ANKRD11: variants seen among roughly 807,000 people sequenced by gnomAD.
ANKRD11 encodes ankyrin repeat domain-containing protein 11.
A neutral mutation model predicts 195.7 loss-of-function variants in ANKRD11; 17 were observed. The ratio of observed to expected loss-of-function variants is 0.09; its 90% CI spans 0.06 to 0.13. The LOEUF is 0.13. Ranked by LOEUF, ANKRD11 falls within the 10% of genes least tolerant of loss-of-function variation. ANKRD11 has a pLI of 1.00. For synonymous variants in ANKRD11, 1,953 were observed against 1,528.1 expected (o/e 1.28, Z -6.49); for missense variants, 3,735 against 3,566.1 (o/e 1.05, Z -1.21).
At position 89,288,636 on chromosome 16, in the gene ANKRD11, G is replaced by A. The variant is rs774835191; in HGVS notation, c.636C>T (p.Gly212=). 2.5e-6 allele frequency: 4 copies of A among 1,614,118 alleles called. No homozygotes were observed. The highest frequency in any genetic ancestry group is 1.7e-5 in the Admixed American group (1 of 60,030). The change falls in exon 7 of 13, where the codon GGC becomes GGT. Residue 212 remains glycine, a synonymous_variant. Transcript: ENST00000301030. The part of the protein sequence containing the change: ...WTALHEACNR[G]YYDVAKQLLA... ...GCAGCTGCTTCGCGACGTCGTAGTA[G>A]CCCCGGTTACAGGCCTCGTGCAGCG... is the stretch of plus-strand genomic sequence containing the variant.
At chr16:89,278,323 G>A (rs879622867) in intron 9 of ANKRD11, 1 of 354,306 alleles carries the variant, frequency 2.8e-6, no homozygotes, top group Non-Finnish European at 5.6e-6. Flanking sequence ...GGAGGAGGTG[G>A]GAACCCAGTC....
chr16:89,403,041 C>A (rs969759855), intron 2 of ANKRD11, among the ~76,000 whole-genome samples: 1 of 152,302 alleles, frequency 6.6e-6, no homozygotes. Flanking sequence ...ATGGGCACTG[C>A]CTCGCTCAAC....
Position 89,284,212 on chromosome 16 carries a change from T to C in ANKRD11, c.2330A>G (p.Glu777Gly), listed in dbSNP as rs1294887176. The C allele has an allele frequency of 3.1e-6, 5 of 1,612,294 alleles. No individual in the cohort carries two copies. Among genetic ancestry groups the C allele is most frequent in the Admixed American group, 1.7e-5 (1 of 59,790 alleles). ...GTCCTCTTTTAAATCATTCTTCTTC[T>C]CTAATTTTGAGGGCCGGTCTTTTGA... ...KKSKDRPSKL[E>G]KKNDLKEDKI... Residue 777 changes from glutamate to glycine, a missense_variant, in exon 9 of 13, where the codon GAG becomes GGG. Physicochemically the swap from Glu to Gly is moderately conservative, Grantham distance 98. Coordinates refer to ENST00000301030, the MANE Select transcript of ANKRD11 (RefSeq NM_013275.6).
At chr16:89,276,576 G>A (rs897181961) in intron 9 of ANKRD11, among the ~76,000 whole-genome samples, 1 of 152,142 alleles carries the variant, frequency 6.6e-6, no homozygotes, top group African/African-American at 2.4e-5. Flanking sequence ...ACTGCTGACC[G>A]ACACTGCCCA....
At chr16:89,352,379 C>T (rs1018255437) in intron 2 of ANKRD11, among the ~76,000 whole-genome samples, 1 of 151,498 alleles carries the variant, frequency 6.6e-6, no homozygotes, top group African/African-American at 2.4e-5. Context: ...AGGCAGCCCC[C>T]CAAGAAAACC....
chr16:89,439,434 A>T (rs1386165976), intron 1 of ANKRD11, among the ~76,000 whole-genome samples: 1 of 152,248 alleles, frequency 6.6e-6, no homozygotes, highest in Non-Finnish European at 1.5e-5. Context: ...TCGAACCATC[A>T]TTAAGTCAGG....
chr16:89,280,102 T>C lies in ANKRD11; in HGVS notation c.6440A>G (p.Asp2147Gly), dbSNP rs776735394. The C allele has an allele frequency of 1.2e-6, 2 of 1,613,038 alleles. No homozygotes were observed. Among genetic ancestry groups the C allele is most frequent in the Admixed American group, 3.3e-5 (2 of 60,014 alleles). ...SLPELPLQTK[D>G]AADGEAEPVE... ...GGGTTCCGCTTCACCATCTGCGGCA[T>C]CTTTAGTCTGCAGGGGAAGCTCCGG... The change falls in exon 9 of 13, where the codon GAT becomes GGT. Residue 2147 changes from aspartate to glycine, a missense_variant. By Grantham distance (94) the Asp-to-Gly change is moderately conservative. Coordinates refer to ENST00000301030, the MANE Select transcript of ANKRD11 (RefSeq NM_013275.6).
In ANKRD11 at chr16:89,361,868, A is replaced by C. The variant is rs140828264; in HGVS notation, c.-59-44790T>G. On this transcript the variant is annotated intron_variant, in intron 2 of 12. Coordinates refer to ENST00000301030, the MANE Select transcript of ANKRD11 (RefSeq NM_013275.6). ...ACAAAAAAAATCCGCACTCTAGATA[A>C]GACCTTCAAAACAGCATGCCTGTCA... is the stretch of plus-strand genomic sequence containing the variant. Among the ~76,000 whole-genome samples the C allele has an allele frequency of 1.6e-3, 243 of 152,354 alleles. 1 individual carries two copies. The highest frequency in any genetic ancestry group is 5.3e-3 in the African/African-American group (220 of 41,574).
chr16:89,286,938 G>A (rs967681270), intron 7 of ANKRD11: 12 of 1,289,668 alleles, frequency 9.3e-6, no homozygotes, highest in South Asian at 3.7e-5. Context: ...GACTCTTGTC[G>A]CCCACAGAAT....
At chr16:89,325,992 C>T (rs974584556) in intron 2 of ANKRD11, among the ~76,000 whole-genome samples, 2 of 152,248 alleles carry the variant, frequency 1.3e-5, no homozygotes, top group African/African-American at 4.8e-5. Flanking sequence ...AGGGCACCCA[C>T]TGCAGAGTGC....
chr16:89,416,505 G>T (rs914702286), intron 2 of ANKRD11, among the ~76,000 whole-genome samples: 1 of 152,120 alleles, frequency 6.6e-6, no homozygotes, highest in Non-Finnish European at 1.5e-5. Flanking sequence ...CACCATGTTG[G>T]CAGGCTGGTC....
Position 89,329,254 on chromosome 16 carries a change from G to A in ANKRD11, c.-59-12176C>T, listed in dbSNP as rs183812105. 1.1e-4 allele frequency among the ~76,000 whole-genome samples: 16 copies of A among 152,314 alleles called. No individual in the cohort carries two copies. In the East Asian group the frequency reaches 1.3e-3, roughly 13 times the overall value. On this transcript the variant is annotated intron_variant, in intron 2 of 12. Transcript: ENST00000301030. ...TAGGACCAGGTATCCAGGATAAGAC[G>A]GGGGATCTGAATCAAGTCTGCAGGG...
intron 2 of ANKRD11, among the ~76,000 whole-genome samples, chr16:89,402,308 T>A (rs991727840): frequency 6.6e-6 from 1 of 152,116 alleles, no homozygotes; most frequent in African/African-American, 2.4e-5. Flanking sequence ...TCAGCGATAC[T>A]AATGTACAGT....
At chr16:89,436,272 G>A (rs1567803058) in intron 1 of ANKRD11, among the ~76,000 whole-genome samples, 1 of 151,988 alleles carries the variant, frequency 6.6e-6, no homozygotes, top group African/African-American at 2.4e-5. Context: ...AAATGAGCTG[G>A]GCGTGATGGC....
intron 4 of ANKRD11, among the ~76,000 whole-genome samples, chr16:89,303,724 T>C (rs931110721): frequency 6.6e-6 from 1 of 152,128 alleles, no homozygotes; most frequent in Non-Finnish European, 1.5e-5. Context: ...GCACCCCACA[T>C]AGGACAGGAG....
chr16:89,275,453 T>C (rs1479644518), intron 9 of ANKRD11, among the ~76,000 whole-genome samples: 1 of 152,074 alleles, frequency 6.6e-6, no homozygotes, highest in Non-Finnish European at 1.5e-5. Flanking sequence ...CGCGGGACAG[T>C]ATCTGTGGGC....
chr16:89,359,299 C>A (rs1178627076), intron 2 of ANKRD11, among the ~76,000 whole-genome samples: 1 of 152,106 alleles, frequency 6.6e-6, no homozygotes, highest in East Asian at 1.9e-4. Flanking sequence ...GTAAAGACTC[C>A]AGAAAATCCC....
At chr16:89,289,153 G>A (rs2034859186) in intron 6 of ANKRD11, among the ~76,000 whole-genome samples, 1 of 152,228 alleles carries the variant, frequency 6.6e-6, no homozygotes, top group African/African-American at 2.4e-5. Flanking sequence ...GCCACCCCGG[G>A]CAGGCAGCTC....
At chr16:89,324,372 G>A in intron 2 of ANKRD11, 1 of 769,142 alleles carries the variant, frequency 1.3e-6, no homozygotes, top group Non-Finnish European at 1.9e-6. Context: ...CAGGAGGGCG[G>A]CACGTGGGCG....
Sources: gnomAD v4.1 joint callset for allele counts (sites outside exome capture counted in the v4.1 genomes callset) on GRCh38, gnomAD v4.1.1 for gene constraint, MANE v1.5 for transcripts, NCBI Gene and HGNC (gene_info 2026-07-23, HGNC 2026-07-21) for gene names.